DGKB: variants seen among roughly 807,000 people sequenced by gnomAD.
The protein encoded by DGKB is diacylglycerol kinase beta, also known as 90 kDa diacylglycerol kinase.
In DGKB, 67 loss-of-function variants were observed where a neutral mutation model predicts 114.3. The ratio of observed to expected loss-of-function variants is 0.59; its 90% CI spans 0.48 to 0.72. The LOEUF (loss-of-function observed/expected upper bound fraction) is 0.72, where lower values mean the gene tolerates loss of function less well. Ranked by LOEUF, DGKB falls within the 30% of genes least tolerant of loss-of-function variation. The probability of loss-of-function intolerance (pLI) is 0.00; values close to 1 mark genes in which losing one functional copy is unlikely to be tolerated. For synonymous variants in DGKB, 398 were observed against 323.1 expected (o/e 1.23, Z -2.49); for missense variants, 907 against 975.2 (o/e 0.93, Z 0.93).
chr7:14,836,357 C>T (rs1847156772), intron 2 of DGKB, among the ~76,000 whole-genome samples: 1 of 152,136 alleles, frequency 6.6e-6, no homozygotes, highest in African/African-American at 2.4e-5. Context: ...ACCATAATAA[C>T]ATAGTATTTT....
intron 21 of DGKB, among the ~76,000 whole-genome samples, chr7:14,468,537 T>C (rs2128882212): frequency 6.6e-6 from 1 of 151,358 alleles, no homozygotes; most frequent in South Asian, 2.1e-4. Flanking sequence ...TATGGACTAA[T>C]TAAAATTATT....
chr7:14,663,898 T>C (rs958559765), intron 13 of DGKB, among the ~76,000 whole-genome samples: 4 of 151,916 alleles, frequency 2.6e-5, no homozygotes, highest in Non-Finnish European at 5.9e-5. Context: ...GCTCACTCTC[T>C]CAATCCTTAC....
chr7:14,725,687 C>T (rs540243341), intron 5 of DGKB, among the ~76,000 whole-genome samples: 15 of 152,036 alleles, frequency 9.9e-5, no homozygotes, highest in Non-Finnish European at 1.6e-4. Context: ...GCTGGAATTA[C>T]AGGTGTCAGC....
At chr7:14,538,085 C>CAAA (rs58405374) in intron 20 of DGKB, among the ~76,000 whole-genome samples, 5,774 of 44,760 alleles carry the variant, frequency 0.13, 956 homozygotes, top group Non-Finnish European at 0.18. Context: ...ATCTCTGTCT[C>CAAA]AAAAAAAAAA....
chr7:14,229,180 A>G (rs1791311117), intron 23 of DGKB, among the ~76,000 whole-genome samples: 1 of 152,132 alleles, frequency 6.6e-6, no homozygotes, highest in African/African-American at 2.4e-5. Context: ...AACATTCTAT[A>G]TTGTGTTTAT....
intron 22 of DGKB, among the ~76,000 whole-genome samples, chr7:14,341,511 C>G (rs1252779904): frequency 6.6e-6 from 1 of 151,840 alleles, no homozygotes; most frequent in African/African-American, 2.4e-5. Context: ...TAAAAGCTAA[C>G]AGCCTCAGTT....
intron 21 of DGKB, among the ~76,000 whole-genome samples, chr7:14,461,788 C>T (rs1218406641): frequency 6.6e-6 from 1 of 152,066 alleles, no homozygotes. Flanking sequence ...CAAAACCTGG[C>T]AGAGACACAA....
At chr7:14,938,090 A>G (rs1256017858) in intron 1 of DGKB, among the ~76,000 whole-genome samples, 1 of 152,204 alleles carries the variant, frequency 6.6e-6, no homozygotes, top group Non-Finnish European at 1.5e-5. Context: ...TCAATTGTAT[A>G]TGAATATGTG....
At chr7:14,647,055 C>T (rs1813178001) in intron 13 of DGKB, among the ~76,000 whole-genome samples, 1 of 150,776 alleles carries the variant, frequency 6.6e-6, no homozygotes, top group African/African-American at 2.4e-5. Flanking sequence ...AAAAGATAAA[C>T]TAAAACGACA....
chr7:14,572,435 G>T (rs2128705792), intron 20 of DGKB, among the ~76,000 whole-genome samples: 1 of 150,540 alleles, frequency 6.6e-6, no homozygotes, highest in African/African-American at 2.4e-5. Context: ...CTGGGTGACA[G>T]AGCGAGACAC....
At chr7:14,907,730 G>T (rs1783783485), upstream of DGKB, among the ~76,000 whole-genome samples, 1 of 152,164 alleles carries the variant, frequency 6.6e-6, no homozygotes, top group Non-Finnish European at 1.5e-5. Flanking sequence ...ATTCTTAGGG[G>T]CAGCAAGCTT....
chr7:14,495,224 G>A (rs906550611), intron 20 of DGKB, among the ~76,000 whole-genome samples: 4 of 151,676 alleles, frequency 2.6e-5, no homozygotes, highest in African/African-American at 7.3e-5. Context: ...TAATACTATT[G>A]CACAAAGAGA....
rs1841170285 is a variant in DGKB, at chr7:14,794,788, T to A, written c.71-37057A>T. ...AGGGAACACGTGGGATAGATCCTGA[T>A]GAAGCTGTGGACATTGAGCCTCTAA... On this transcript the variant is annotated intron_variant, in intron 2 of 25. Transcript: ENST00000402815. Among the ~76,000 whole-genome samples, 3 of 152,176 alleles carry A rather than the reference T, an allele frequency of 2.0e-5. No homozygotes were observed. The South Asian group carries it at 6.2e-4, about 31-fold the overall frequency.
intron 13 of DGKB, among the ~76,000 whole-genome samples, chr7:14,669,043 T>A (rs1190157400): frequency 6.6e-6 from 1 of 152,178 alleles, no homozygotes; most frequent in Non-Finnish European, 1.5e-5. Context: ...AATCACAGTT[T>A]CTTTGAACAA....
rs1261520546 is a variant in DGKB, at chr7:14,695,661, G to A, written c.592-1467C>T. On this transcript the variant is annotated intron_variant, in intron 8 of 25. Transcript: ENST00000402815. Reference sequence around the variant, plus strand: ...ACTACAGGCGTCCGCCACTACGCCCGGCTGATTTTTTTTGTGTGTGTATTT... The same window carrying A: ...ACTACAGGCGTCCGCCACTACGCCCAGCTGATTTTTTTTGTGTGTGTATTT... 4.0e-5 allele frequency among the ~76,000 whole-genome samples: 6 copies of A among 151,706 alleles called. 1 individual carries two copies. The highest frequency in any genetic ancestry group is 3.9e-4 in the East Asian group (2 of 5,126).
intron 21 of DGKB, among the ~76,000 whole-genome samples, chr7:14,424,815 C>A (rs780393668): frequency 8.2e-4 from 125 of 152,022 alleles, no homozygotes; most frequent in Non-Finnish European, 1.4e-3. Flanking sequence ...AGTAGTAGAA[C>A]AGGAATTCAA....
At chr7:14,551,061 T>G (rs539382291) in intron 20 of DGKB, among the ~76,000 whole-genome samples, 38 of 102,532 alleles carry the variant, frequency 3.7e-4, no homozygotes, top group Middle Eastern at 4.1e-3. Flanking sequence ...AGAAATTCTG[T>G]TAACTATTTC....
At chr7:14,604,825 C>A (rs926699804) in intron 17 of DGKB, among the ~76,000 whole-genome samples, 3 of 152,182 alleles carry the variant, frequency 2.0e-5, no homozygotes, top group South Asian at 2.1e-4. Context: ...CCGTTCTGAG[C>A]AACTACCTGT....
chr7:14,503,738 T>A (rs1446061747), intron 20 of DGKB, among the ~76,000 whole-genome samples: 1 of 152,158 alleles, frequency 6.6e-6, no homozygotes, highest in African/African-American at 2.4e-5. Flanking sequence ...AACAAAATGC[T>A]GCTTTAGACA....
Sources: gnomAD v4.1 joint callset for allele counts (sites outside exome capture counted in the v4.1 genomes callset) on GRCh38, gnomAD v4.1.1 for gene constraint, MANE v1.5 for transcripts, NCBI Gene and HGNC (gene_info 2026-07-23, HGNC 2026-07-21) for gene names.